The following OPHN1 variants were observed in gnomAD, a reference collection of about 807,000 sequenced individuals.
OPHN1 encodes oligophrenin-1.
In OPHN1, 11 loss-of-function variants were observed where a neutral mutation model predicts 60.7. The ratio of observed to expected loss-of-function variants is 0.18; its 90% CI spans 0.11 to 0.30. The LOEUF (loss-of-function observed/expected upper bound fraction) is 0.30. OPHN1 is among the 10% of genes least tolerant of loss of function. The pLI, the probability that OPHN1 is intolerant of heterozygous loss-of-function variation, is 1.00. For synonymous variants in OPHN1, 226 were observed against 222.6 expected (o/e 1.02, Z -0.14); for missense variants, 449 against 611.0 (o/e 0.73, Z 2.80).
At chrX:68,402,394 G>C (rs760355747) in intron 2 of OPHN1, among the ~76,000 whole-genome samples, 132 of 109,063 alleles carry the variant, frequency 1.2e-3, no homozygotes, top group African/African-American at 4.2e-3. Flanking sequence ...AGAAAGAAGA[G>C]AAGAGAAGAG....
At chrX:68,080,630 T>C (rs1211787298) in intron 19 of OPHN1, among the ~76,000 whole-genome samples, 4 of 112,177 alleles carry the variant, frequency 3.6e-5, no homozygotes, top group African/African-American at 1.3e-4. Context: ...TGTCTTTTTT[T>C]CCCTTTCTCT....
chrX:68,073,196 C>T lies in OPHN1; in HGVS notation c.1790G>A (p.Arg597Gln), dbSNP rs754769099. The T allele has an allele frequency of 5.8e-6, 7 of 1,209,972 alleles. No individual in the cohort carries two copies. Among genetic ancestry groups the T allele is most frequent in the Non-Finnish European group, 7.8e-6 (7 of 895,089 alleles). ...AGAAGTATAGAAAACCGTCCTTTCT[C>T]GCAGCAAGCGCTTTGAAATCGTGAT... Reference protein sequence around the residue: ...KPITISKRLLRERTVFYTSSL... With the variant: ...KPITISKRLLQERTVFYTSSL... Residue 597 changes from arginine to glutamine, a missense_variant, in exon 20 of 25, where the codon CGA (arginine) becomes CAA (glutamine). By Grantham distance (43) the Arg-to-Gln change is conservative. This residue lies in a region of OPHN1 where 166 missense variants were observed against 278.4 expected (regional missense o/e 0.60). Transcript: ENST00000355520.
At chrX:68,054,878 A>C (rs1174499306) in intron 21 of OPHN1, among the ~76,000 whole-genome samples, 4 of 111,982 alleles carry the variant, frequency 3.6e-5, no homozygotes, top group Non-Finnish European at 7.5e-5. Flanking sequence ...ATATTCATCC[A>C]TTTTTTTCTA....
chrX:68,223,774 T>C (rs1375199398), intron 6 of OPHN1, among the ~76,000 whole-genome samples: 1 of 111,269 alleles, frequency 9.0e-6, no homozygotes, highest in African/African-American at 3.3e-5. Context: ...CTAACATTAA[T>C]CAAAAGAATG....
At chrX:68,348,971 A>T (rs759043750) in intron 2 of OPHN1, among the ~76,000 whole-genome samples, 2 of 111,338 alleles carry the variant, frequency 1.8e-5, no homozygotes, top group Non-Finnish European at 3.8e-5. Context: ...AAACTGGAGA[A>T]GTGGTACAAA....
At chrX:68,199,022 G>A (rs1382771179) in intron 11 of OPHN1, among the ~76,000 whole-genome samples, 1 of 112,216 alleles carries the variant, frequency 8.9e-6, no homozygotes, top group Admixed American at 9.5e-5. Flanking sequence ...CCTCCCTCAT[G>A]TGACTGTGGT....
At chrX:68,404,750 GAAAGA>G (rs1426319972) in intron 2 of OPHN1, among the ~76,000 whole-genome samples, 1 of 111,985 alleles carries the variant, frequency 8.9e-6, no homozygotes, top group African/African-American at 3.2e-5. Flanking sequence ...ACCAAAAAAA[GAAAGA>G]AAAGAAGTTC....
At chrX:68,147,826 T>G (rs146606576) in intron 15 of OPHN1, among the ~76,000 whole-genome samples, 2,712 of 111,665 alleles carry the variant, frequency 0.024, 34 homozygotes, top group South Asian at 0.04. Flanking sequence ...AACATCAATT[T>G]GATTAAGCTT....
At chrX:68,071,776 T>C (rs192979339) in intron 20 of OPHN1, 1 of 444,285 alleles carries the variant, frequency 2.3e-6, no homozygotes, top group East Asian at 3.9e-5. Flanking sequence ...ATTTTGGAAA[T>C]GGAGAGAGGT....
rs1015921043 is a variant in OPHN1 at position 68,045,432 on chromosome X, G to A, written c.*1740C>T. On this transcript the variant is annotated 3_prime_UTR_variant, in exon 25 of 25. Coordinates refer to ENST00000355520, the MANE Select transcript of OPHN1 (RefSeq NM_002547.3). ...TGCATCTCTGAGTGGGTTTGCACAT[G>A]AGTGTGCATGTACTCACTCTCTATC... The A allele has an allele frequency of 6.2e-5, 7 of 112,232 alleles. No individual in the cohort carries two copies. The highest frequency in any genetic ancestry group is 2.3e-4 in the African/African-American group (7 of 30,875). The allele number at this position is 112,232 out of a possible 1,213,427, so 9.2% of individuals were successfully genotyped here. A position where few individuals can be genotyped will look rare whatever the true frequency, so the allele number is the denominator to read the frequency against.
At chrX:68,211,513 C>T (rs760207676) in intron 8 of OPHN1, among the ~76,000 whole-genome samples, 3 of 112,434 alleles carry the variant, frequency 2.7e-5, no homozygotes, top group Non-Finnish European at 5.6e-5. Flanking sequence ...ATGCCTGGCA[C>T]AGAGCTTATG....
chrX:68,416,059 T>TAG (rs2078795498), intron 2 of OPHN1, among the ~76,000 whole-genome samples: 3 of 6,969 alleles, frequency 4.3e-4, no homozygotes, highest in Admixed American at 2.2e-3. Context: ...TATATATATA[T>TAG]ATATATATAG....
chrX:68,305,323 A>G (rs1466244512), intron 2 of OPHN1, among the ~76,000 whole-genome samples: 2 of 112,370 alleles, frequency 1.8e-5, no homozygotes, highest in Non-Finnish European at 3.7e-5. Context: ...AGCAGTGATC[A>G]TACCACTGCA....
At chrX:68,100,277 G>A (rs998920671) in intron 18 of OPHN1, among the ~76,000 whole-genome samples, 6 of 108,978 alleles carry the variant, frequency 5.5e-5, no homozygotes, top group East Asian at 2.9e-4. Flanking sequence ...GCACACACAC[G>A]CACACACACA....
intron 2 of OPHN1, among the ~76,000 whole-genome samples, chrX:68,355,638 A>G (rs767548857): frequency 1.8e-5 from 2 of 112,527 alleles, no homozygotes; most frequent in Non-Finnish European, 3.7e-5. Flanking sequence ...TTGTTTACAC[A>G]AAGAGATTCA....
rs1569373741 is a variant in OPHN1 at position 68,043,656 on chromosome X, C to T, written c.*3516G>A. ...AACCAATTACTTTAGAAATACTCTG[C>T]ATGACACTATAATTGAAATTAGATG... On this transcript the variant is annotated 3_prime_UTR_variant, in exon 25 of 25. Transcript: ENST00000355520. 8.9e-6 allele frequency: 1 copy of T among 112,227 alleles called. No homozygotes were observed. The highest frequency in any genetic ancestry group is 3.2e-5 in the African/African-American group (1 of 30,902). 9.2% of individuals were successfully genotyped at this position (112,227 alleles called of 1,213,427 possible).
chrX:68,383,664 A>G (rs1248308031), intron 2 of OPHN1, among the ~76,000 whole-genome samples: 2 of 108,320 alleles, frequency 1.8e-5, no homozygotes, highest in African/African-American at 6.7e-5. Flanking sequence ...GCGAAACTCA[A>G]CATGGAAAAC....
intron 2 of OPHN1, among the ~76,000 whole-genome samples, chrX:68,360,449 C>T (rs1463573266): frequency 9.0e-6 from 1 of 111,203 alleles, no homozygotes; most frequent in Non-Finnish European, 1.9e-5. Flanking sequence ...CCACCTCAAC[C>T]TCACAAAGTG....
chrX:68,267,569 G>A (rs1260757252), intron 5 of OPHN1, among the ~76,000 whole-genome samples: 2 of 112,228 alleles, frequency 1.8e-5, no homozygotes, highest in Non-Finnish European at 3.8e-5. Flanking sequence ...GCCCACAAGA[G>A]AAAGCAGGAA....
Sources: gnomAD v4.1 joint callset for allele counts (sites outside exome capture counted in the v4.1 genomes callset) on GRCh38, gnomAD v4.1.1 for gene constraint, gnomAD v4.1.1 regional missense constraint, MANE v1.5 for transcripts, NCBI Gene and HGNC (gene_info 2026-07-23, HGNC 2026-07-21) for gene names.